PRKN: variants seen among roughly 807,000 people sequenced by gnomAD.
The protein encoded by PRKN is parkin RBR E3 ubiquitin protein ligase, also known as E3 ubiquitin-protein ligase parkin.
PRKN carries 56 observed loss-of-function variants against 59.5 expected under a neutral mutation model. The observed-to-expected ratio is 0.94, with a 90% CI of 0.76 to 1.18. The LOEUF is 1.18. PRKN is among the 50% of genes most tolerant of loss of function. The pLI, the probability that PRKN is intolerant of heterozygous loss-of-function variation, is 0.00. For missense variants in PRKN, 657 were observed against 596.4 expected (o/e 1.10, Z -1.06); for synonymous variants, 250 against 222.1 (o/e 1.13, Z -1.12).
At chr6:161,783,175 G>C (rs903731532) in intron 7 of PRKN, among the ~76,000 whole-genome samples, 1 of 152,004 alleles carries the variant, frequency 6.6e-6, no homozygotes, top group Admixed American at 6.6e-5. Context: ...TGCCAAGGGT[G>C]AAAGAAACAA....
intron 7 of PRKN, among the ~76,000 whole-genome samples, chr6:161,682,468 T>C (rs1185604693): frequency 6.6e-6 from 1 of 152,080 alleles, no homozygotes; most frequent in Non-Finnish European, 1.5e-5. Flanking sequence ...TTAGGGTGCA[T>C]TGTGAGGACT....
At chr6:162,128,550 G>C (rs905076398) in intron 4 of PRKN, among the ~76,000 whole-genome samples, 2 of 152,206 alleles carry the variant, frequency 1.3e-5, no homozygotes, top group Admixed American at 1.3e-4. Context: ...TACTATAGGA[G>C]AGAAAGCAAG....
At chr6:161,416,129 G>C (rs1787837701) in intron 9 of PRKN, among the ~76,000 whole-genome samples, 1 of 152,148 alleles carries the variant, frequency 6.6e-6, no homozygotes, top group African/African-American at 2.4e-5. Context: ...CTGACACAGA[G>C]GTCAGCGAAC....
At chr6:161,609,604 G>GT (rs1264913411) in intron 7 of PRKN, among the ~76,000 whole-genome samples, 1 of 152,208 alleles carries the variant, frequency 6.6e-6, no homozygotes, top group Admixed American at 6.5e-5. Flanking sequence ...TCGGGCAGAT[G>GT]GTTGGCAAAG....
rs186373082 is a variant in PRKN at position 161,401,778 on chromosome 6, G to A, written c.1084-14901C>T. ...CTCAGACAGCTGCATTTGGATTTCC[G>A]GGGGCTGGACTGGATCTCAGATGTT... On this transcript the variant is annotated intron_variant, in intron 9 of 11. Coordinates refer to ENST00000366898, the MANE Select transcript of PRKN (RefSeq NM_004562.3). The surrounding 1 kb of genome is among the most constrained non-coding windows in gnomAD (Gnocchi z 4.4). Among the ~76,000 whole-genome samples, 102 of 152,238 alleles carry A rather than the reference G, an allele frequency of 6.7e-4. 1 individual carries two copies. Among genetic ancestry groups the A allele is most frequent in the African/African-American group, 1.6e-3 (65 of 41,532 alleles).
intron 7 of PRKN, among the ~76,000 whole-genome samples, chr6:161,659,335 A>G (rs1382766568): frequency 6.6e-6 from 1 of 152,168 alleles, no homozygotes. Context: ...CTCTTTGAGG[A>G]CTCATTTGAG....
intron 4 of PRKN, among the ~76,000 whole-genome samples, chr6:162,061,866 A>G (rs1234069188): frequency 2.6e-5 from 4 of 152,238 alleles, no homozygotes; most frequent in South Asian, 4.1e-4. Flanking sequence ...GGTATTACAA[A>G]TGAACCAATC....
chr6:161,822,819 A>G (rs1792087638), intron 6 of PRKN, among the ~76,000 whole-genome samples: 2 of 152,242 alleles, frequency 1.3e-5, no homozygotes, highest in South Asian at 2.1e-4. Context: ...TTGTCTTGTT[A>G]AAAACCCTTT....
intron 4 of PRKN, among the ~76,000 whole-genome samples, chr6:162,101,621 G>A (rs913669561): frequency 3.3e-5 from 5 of 151,702 alleles, no homozygotes; most frequent in African/African-American, 7.3e-5. Flanking sequence ...GCAGTGAGCC[G>A]AGATCGTGCC....
chr6:162,550,325 G>A (rs892334211), intron 1 of PRKN, among the ~76,000 whole-genome samples: 1 of 152,208 alleles, frequency 6.6e-6, no homozygotes, highest in African/African-American at 2.4e-5. Flanking sequence ...GAAAGAAATA[G>A]AGCGTCTGGG....
Position 161,384,553 on chromosome 6 carries a change from A to G in PRKN, c.1167+2241T>C, listed in dbSNP as rs575601200. ...GTGAGACCCTGGTTCAAAAAAAATG[A>G]AATAATGTCTCTTTCTTTATAGATG... On this transcript the variant is annotated intron_variant, in intron 10 of 11. Coordinates refer to ENST00000366898, the MANE Select transcript of PRKN (RefSeq NM_004562.3). Among the ~76,000 whole-genome samples the G allele has an allele frequency of 4.7e-4, 71 of 152,338 alleles. 1 individual carries two copies. The South Asian group carries it at 0.011, about 23-fold the overall frequency.
intron 7 of PRKN, among the ~76,000 whole-genome samples, chr6:161,768,132 G>A (rs1024239749): frequency 2.6e-5 from 4 of 151,560 alleles, no homozygotes; most frequent in Non-Finnish European, 4.4e-5. Flanking sequence ...AAGAGGTTCT[G>A]ATATTTGAAA....
At chr6:162,500,719 T>C (rs1793325927) in intron 1 of PRKN, among the ~76,000 whole-genome samples, 1 of 152,236 alleles carries the variant, frequency 6.6e-6, no homozygotes, top group Admixed American at 6.5e-5. Context: ...CTTATCTTTT[T>C]CTTAATGAAT....
At chr6:161,350,471 G>C (rs1175447687) in intron 11 of PRKN, among the ~76,000 whole-genome samples, 1 of 150,062 alleles carries the variant, frequency 6.7e-6, no homozygotes, top group Non-Finnish European at 1.5e-5. Context: ...TTGTAAATCT[G>C]ACTTTATTCT....
chr6:161,610,019 T>A (rs910795749), intron 7 of PRKN, among the ~76,000 whole-genome samples: 14 of 152,182 alleles, frequency 9.2e-5, no homozygotes, highest in Admixed American at 2.6e-4. Flanking sequence ...GCAAAAAAAA[T>A]TTTTTGAATG....
At chr6:162,357,244 C>T (rs1267929474) in intron 2 of PRKN, among the ~76,000 whole-genome samples, 1 of 152,008 alleles carries the variant, frequency 6.6e-6, no homozygotes, top group Non-Finnish European at 1.5e-5. Flanking sequence ...GGAGTAGTAT[C>T]CAAGATATAC....
At chr6:162,021,191 TATATA>T (rs1341565095) in intron 5 of PRKN, among the ~76,000 whole-genome samples, 1 of 113,510 alleles carries the variant, frequency 8.8e-6, no homozygotes, top group Non-Finnish European at 1.9e-5. Flanking sequence ...ATATATTATA[TATATA>T]ATATATATAA....
chr6:162,696,866 A>G (rs955493767), intron 1 of PRKN, among the ~76,000 whole-genome samples: 5 of 152,148 alleles, frequency 3.3e-5, no homozygotes, highest in African/African-American at 1.2e-4. Flanking sequence ...TTTAAAAAAC[A>G]AATTGTTAAC....
intron 6 of PRKN, among the ~76,000 whole-genome samples, chr6:161,858,188 C>T (rs1204452621): frequency 1.3e-5 from 2 of 152,170 alleles, no homozygotes; most frequent in African/African-American, 4.8e-5. Flanking sequence ...TTAGTTACAG[C>T]TTTCTTTTGC....
Sources: allele counts gnomAD v4.1 joint callset (sites outside exome capture counted in the v4.1 genomes callset), GRCh38; gene constraint gnomAD v4.1.1; non-coding constraint Gnocchi (gnomAD v3.1); transcripts MANE v1.5; gene names NCBI Gene and HGNC (gene_info 2026-07-23, HGNC 2026-07-21).